Variants in C6 observed in about 807,000 individuals in gnomAD.
C6 encodes complement C6, also known as complement component C6.
C6 carries 101 observed loss-of-function variants against 112.9 expected under a neutral mutation model. The observed-to-expected ratio is 0.89, with a 90% confidence interval of 0.76 to 1.06. C6 has a LOEUF of 1.06. Among genes scored for constraint, C6 ranks in the 50% least tolerant of loss-of-function variants. The pLI is 0.00. For synonymous variants in C6, 431 were observed against 384.1 expected, an observed-to-expected ratio of 1.12 and a Z score of -1.43; for missense variants, 1,202 against 1,104.6, an observed-to-expected ratio of 1.09 and a Z score of -1.25.
intron 7 of C6, among the ~76,000 whole-genome samples, chr5:41,179,088 A>G (rs1246947539): frequency 1.3e-5 from 2 of 152,128 alleles, no homozygotes; most frequent in East Asian, 3.9e-4. Context: ...TCCTGAGCTC[A>G]GGCAATCTGC....
chr5:41,187,371 A>G lies in C6; in HGVS notation c.588-1163T>C, dbSNP rs569207075. Among the ~76,000 whole-genome samples the G allele has an allele frequency of 3.9e-5, 6 of 152,310 alleles. No individual in the cohort carries two copies. The South Asian group carries it at 1.2e-3, about 32-fold the overall frequency. On this transcript the variant is annotated intron_variant, in intron 5 of 17. Coordinates refer to ENST00000337836, the MANE Select transcript of C6 (RefSeq NM_000065.5). ...GTACCTGAAAGGCACCACCTTTACC[A>G]GAGCTGAAATATTAAGTTTTGTAAC...
At chr5:41,228,528 T>C (rs1414387422) in intron 1 of C6, among the ~76,000 whole-genome samples, 1 of 152,168 alleles carries the variant, frequency 6.6e-6, no homozygotes, top group Non-Finnish European at 1.5e-5. Context: ...TTCTGTCTTA[T>C]TCCTAATTGT....
chr5:41,168,511 T>A (rs1290700153), intron 9 of C6, among the ~76,000 whole-genome samples: 2 of 152,204 alleles, frequency 1.3e-5, no homozygotes, highest in Admixed American at 6.6e-5. Flanking sequence ...ATGCTCCTAC[T>A]CATTCCTCTA....
At chr5:41,173,247 C>T (rs1192704084) in intron 8 of C6, among the ~76,000 whole-genome samples, 1 of 152,140 alleles carries the variant, frequency 6.6e-6, no homozygotes, top group Non-Finnish European at 1.5e-5. Context: ...GTTTTAATAC[C>T]TTTAGTCCTC....
intron 9 of C6, among the ~76,000 whole-genome samples, chr5:41,167,640 CA>C (rs1047410505): frequency 6.6e-6 from 1 of 151,954 alleles, no homozygotes; most frequent in Non-Finnish European, 1.5e-5. Context: ...TTTTTTTGCA[CA>C]AAAATAAACT....
At chr5:41,237,576 T>A (rs201176707) in intron 1 of C6, among the ~76,000 whole-genome samples, 9,348 of 32,534 alleles carry the variant, frequency 0.29, 2,894 homozygotes, top group Admixed American at 0.54. Context: ...TGGGACGTAT[T>A]TCAAAATAAT....
chr5:41,178,999 G>T (rs1364713189), intron 7 of C6, among the ~76,000 whole-genome samples: 4 of 151,996 alleles, frequency 2.6e-5, no homozygotes, highest in Non-Finnish European at 5.9e-5. Context: ...GATCACAGGC[G>T]CACACTGCCA....
rs146661012 is a variant in C6 at position 41,192,726 on chromosome 5, G to T, written c.587+3066C>A. ...CTGTAGTACCAATTGTGAGTATTGG[G>T]ATGAATCTTAAAAACATTATGCTAA... On this transcript the variant is annotated intron_variant, in intron 5 of 17. Coordinates refer to ENST00000337836, the MANE Select transcript of C6 (RefSeq NM_000065.5). Among the ~76,000 whole-genome samples, 585 of 152,120 alleles carry T rather than the reference G, an allele frequency of 3.8e-3. 7 individuals are homozygous for T. Among genetic ancestry groups the T allele is most frequent in the African/African-American group, 0.014 (566 of 41,512 alleles).
At chr5:41,246,110 A>T (rs964441377) in intron 1 of C6, among the ~76,000 whole-genome samples, 1 of 152,036 alleles carries the variant, frequency 6.6e-6, no homozygotes, top group African/African-American at 2.4e-5. Context: ...CTTAAACTTG[A>T]CTCCTATGAT....
At chr5:41,193,793 C>G (rs1269134702) in intron 5 of C6, among the ~76,000 whole-genome samples, 1 of 105,994 alleles carries the variant, frequency 9.4e-6, no homozygotes, top group African/African-American at 3.8e-5. Flanking sequence ...ACTCAGGAAG[C>G]TATTTTTTTT....
chr5:41,187,699 T>TAAACACACAC (rs747816645), intron 5 of C6, among the ~76,000 whole-genome samples: 11 of 123,230 alleles, frequency 8.9e-5, no homozygotes, highest in African/African-American at 3.1e-4. Context: ...GACACACACA[T>TAAACACACAC]ACACACACAC....
chr5:41,230,013 C>T (rs898459003), intron 1 of C6, among the ~76,000 whole-genome samples: 1 of 152,122 alleles, frequency 6.6e-6, no homozygotes, highest in African/African-American at 2.4e-5. Context: ...AATCGCTGAA[C>T]ATAAATTGTG....
At chr5:41,229,463 TAC>T (rs1739744935) in intron 1 of C6, among the ~76,000 whole-genome samples, 1 of 152,126 alleles carries the variant, frequency 6.6e-6, no homozygotes, top group South Asian at 2.1e-4. Context: ...GTGTTTAATT[TAC>T]ACATATTTAT....
intron 15 of C6, 37 bp from the exon 16 acceptor site, chr5:41,150,062 C>T: frequency 7.9e-7 from 1 of 1,271,506 alleles, no homozygotes; most frequent in Middle Eastern, 1.8e-4. Flanking sequence ...GAACAGTGCA[C>T]AGCATGGATT....
upstream of C6, among the ~76,000 whole-genome samples, chr5:41,214,541 A>T (rs755161287): frequency 2.5e-4 from 38 of 152,120 alleles, no homozygotes; most frequent in Non-Finnish European, 4.7e-4. Context: ...TAAAGATTGA[A>T]ATTTGGGCCT....
intron 6 of C6, among the ~76,000 whole-genome samples, chr5:41,181,877 G>T (rs141653724): frequency 6.6e-6 from 1 of 152,304 alleles, no homozygotes; most frequent in East Asian, 1.9e-4. Context: ...AGACTTAACA[G>T]GGTGATAAAC....
At chr5:41,166,808 T>A (rs918342379) in intron 9 of C6, among the ~76,000 whole-genome samples, 2 of 150,236 alleles carry the variant, frequency 1.3e-5, no homozygotes, top group Non-Finnish European at 2.9e-5. Context: ...ATTTCAATTT[T>A]GAAATTTTTC....
intron 1 of C6, among the ~76,000 whole-genome samples, chr5:41,242,592 G>A (rs1389945325): frequency 6.6e-6 from 1 of 152,094 alleles, no homozygotes; most frequent in Non-Finnish European, 1.5e-5. Flanking sequence ...ACATTATATG[G>A]AGAATGTTTT....
intron 7 of C6, among the ~76,000 whole-genome samples, chr5:41,179,498 C>T (rs1455655509): frequency 3.3e-5 from 5 of 151,756 alleles, no homozygotes; most frequent in Admixed American, 6.6e-5. Context: ...GGCCATATTC[C>T]CATGCCCAAT....
Sources: allele counts gnomAD v4.1 joint callset (sites outside exome capture counted in the v4.1 genomes callset), GRCh38; gene constraint gnomAD v4.1.1; transcripts MANE v1.5; gene names NCBI Gene and HGNC (gene_info 2026-07-23, HGNC 2026-07-21).